CTNND2: variants seen among roughly 807,000 people sequenced by gnomAD.
CTNND2 encodes catenin delta-2.
Under a neutral mutation model 144.4 loss-of-function variants are expected in CTNND2, and 22 were observed. The observed-to-expected ratio is 0.15, with a 90% confidence interval of 0.11 to 0.22. The LOEUF (loss-of-function observed/expected upper bound fraction) is 0.22. Among genes scored for constraint, CTNND2 ranks in the 10% least tolerant of loss-of-function variants. The probability of loss-of-function intolerance (pLI) is 1.00; values close to 1 mark genes in which losing one functional copy is unlikely to be tolerated. For missense variants in CTNND2, 1,353 were observed against 1,618.8 expected (o/e 0.84, Z 2.82); for synonymous variants, 751 against 695.6 (o/e 1.08, Z -1.25).
intron 3 of CTNND2, among the ~76,000 whole-genome samples, chr5:11,530,924 C>T (rs1316111976): frequency 4.6e-5 from 7 of 152,022 alleles, no homozygotes; most frequent in Admixed American, 4.6e-4. Flanking sequence ...CAAACGCACA[C>T]AAAAAGCAGC....
In CTNND2 at chr5:11,026,377, T is replaced by A. The variant is rs1453000979; in HGVS notation, c.2789-3398A>T. ...TCTTCTTTTTTTTTTTTTTTTTTTT[T>A]AAGACAGTCTCACTCTGTTGTCCAG... On this transcript the variant is annotated intron_variant, in intron 16 of 21. Coordinates refer to ENST00000304623, the MANE Select transcript of CTNND2 (RefSeq NM_001332.4). 4.7e-5 allele frequency among the ~76,000 whole-genome samples: 7 copies of A among 149,332 alleles called. No homozygotes were observed. In the East Asian group the frequency reaches 9.8e-4, roughly 21 times the overall value.
chr5:11,104,471 C>T (rs1752215647), intron 14 of CTNND2, among the ~76,000 whole-genome samples: 1 of 152,138 alleles, frequency 6.6e-6, no homozygotes, highest in Non-Finnish European at 1.5e-5. Flanking sequence ...CCACCGTCTG[C>T]CACTCTTGCT....
At chr5:11,551,842 C>G (rs1051312675) in intron 3 of CTNND2, among the ~76,000 whole-genome samples, 2 of 152,162 alleles carry the variant, frequency 1.3e-5, no homozygotes, top group Non-Finnish European at 2.9e-5. Flanking sequence ...CTCAAATGAT[C>G]TGCCCACCTC....
intron 9 of CTNND2, among the ~76,000 whole-genome samples, chr5:11,292,952 A>T (rs1249554897): frequency 1.3e-5 from 2 of 152,172 alleles, no homozygotes; most frequent in Non-Finnish European, 2.9e-5. Context: ...TCTATTGTTT[A>T]AATCCTTTGG....
chr5:11,895,098 G>A (rs556679636), intron 1 of CTNND2, among the ~76,000 whole-genome samples: 14 of 152,150 alleles, frequency 9.2e-5, no homozygotes, highest in East Asian at 1.9e-4. Context: ...TCTTCCCAAC[G>A]AACTTGAACT....
At chr5:11,262,806 G>GAAAAAAAAAAAAAAAAAAAAAA (rs1554015616) in intron 9 of CTNND2, among the ~76,000 whole-genome samples, 1 of 117,040 alleles carries the variant, frequency 8.5e-6, no homozygotes, top group African/African-American at 3.1e-5. Flanking sequence ...AGAAAGAAAC[G>GAAAAAAAAAAAAAAAAAAAAAA]AAATTTGTTG....
rs189347885 is a variant in CTNND2, at chr5:11,677,691, A to G, written c.174+54445T>C. ...AAGGGTACACAATGAAAGCCCATGTATTCGAGTTTTGCTTTAAGTCATTCA... is the reference window on the plus strand; with the variant it reads ...AAGGGTACACAATGAAAGCCCATGTGTTCGAGTTTTGCTTTAAGTCATTCA... On this transcript the variant is annotated intron_variant, in intron 2 of 21. Coordinates refer to ENST00000304623, the MANE Select transcript of CTNND2 (RefSeq NM_001332.4). Among the ~76,000 whole-genome samples, 6 of 152,312 alleles carry G rather than the reference A, an allele frequency of 3.9e-5. No homozygotes were observed. In the East Asian group the frequency reaches 9.7e-4, roughly 25 times the overall value.
chr5:11,059,494 A>G (rs1454853690), intron 16 of CTNND2, among the ~76,000 whole-genome samples: 1 of 152,204 alleles, frequency 6.6e-6, no homozygotes, highest in Non-Finnish European at 1.5e-5. Flanking sequence ...AAGTCCAATA[A>G]ACCTCTTTCT....
chr5:11,413,085 T>C (rs923468214), intron 3 of CTNND2, among the ~76,000 whole-genome samples: 5 of 152,178 alleles, frequency 3.3e-5, no homozygotes, highest in Non-Finnish European at 7.4e-5. Context: ...ATGTGACTGT[T>C]ATGGGGTATC....
At chr5:11,175,117 T>G (rs976834322) in intron 11 of CTNND2, among the ~76,000 whole-genome samples, 1 of 151,554 alleles carries the variant, frequency 6.6e-6, no homozygotes, top group Non-Finnish European at 1.5e-5. Flanking sequence ...AAATTTTAGA[T>G]TGCTTCTATT....
chr5:11,450,615 C>G (rs185426976), intron 3 of CTNND2, among the ~76,000 whole-genome samples: 1 of 152,046 alleles, frequency 6.6e-6, no homozygotes, highest in African/African-American at 2.4e-5. Context: ...AAAATGCGTC[C>G]CAGGCTGGGC....
chr5:11,647,906 T>C (rs2126526529), intron 2 of CTNND2, among the ~76,000 whole-genome samples: 1 of 152,312 alleles, frequency 6.6e-6, no homozygotes, highest in Admixed American at 6.5e-5. Flanking sequence ...CCTCACCACC[T>C]GGATAAAGTA....
At chr5:11,376,716 C>T (rs957205472) in intron 7 of CTNND2, among the ~76,000 whole-genome samples, 2 of 152,164 alleles carry the variant, frequency 1.3e-5, no homozygotes, top group African/African-American at 2.4e-5. Flanking sequence ...AAGAGAACAC[C>T]TCTCAGAGTA....
intron 12 of CTNND2, among the ~76,000 whole-genome samples, chr5:11,149,631 C>T (rs888531972): frequency 6.6e-6 from 1 of 152,104 alleles, no homozygotes; most frequent in Non-Finnish European, 1.5e-5. Context: ...ATTTGTACCT[C>T]TACGGAAAGA....
At chr5:11,345,471 T>C (rs1187710228) in intron 9 of CTNND2, among the ~76,000 whole-genome samples, 1 of 152,134 alleles carries the variant, frequency 6.6e-6, no homozygotes, top group East Asian at 1.9e-4. Flanking sequence ...AGTGATTTCT[T>C]TTTGCAAAAA....
intron 1 of CTNND2, among the ~76,000 whole-genome samples, chr5:11,846,042 T>C (rs1794720086): frequency 6.6e-6 from 1 of 152,236 alleles, no homozygotes; most frequent in South Asian, 2.1e-4. Context: ...AATGAATGAA[T>C]GGCTAATAGA....
At chr5:11,386,367 T>C (rs768948470) in intron 6 of CTNND2, among the ~76,000 whole-genome samples, 9 of 152,276 alleles carry the variant, frequency 5.9e-5, no homozygotes, top group Non-Finnish European at 7.4e-5. Flanking sequence ...GAAGAGAAGA[T>C]TGAACAGATG....
chr5:11,430,111 G>A (rs1763149197), intron 3 of CTNND2, among the ~76,000 whole-genome samples: 2 of 151,696 alleles, frequency 1.3e-5, no homozygotes, highest in African/African-American at 4.8e-5. Context: ...TTAGCCAGGT[G>A]TGGTGTCGCG....
In CTNND2 at chr5:11,081,822, C is replaced by T. The variant is rs533802789; in HGVS notation, c.2788+874G>A. ...AGAGCAGATTGATGGTTGCCAGGGG[C>T]TGGAGAAGGGGGATGGAGAGTGATT... is the stretch of plus-strand genomic sequence containing the variant. On this transcript the variant is annotated intron_variant, in intron 16 of 21. Transcript: ENST00000304623. Among the ~76,000 whole-genome samples the T allele has an allele frequency of 7.4e-4, 113 of 152,196 alleles. No homozygotes were observed. In the Middle Eastern group the frequency reaches 0.014, roughly 18 times the overall value.
Sources: allele counts gnomAD v4.1 joint callset (sites outside exome capture counted in the v4.1 genomes callset), GRCh38; gene constraint gnomAD v4.1.1; transcripts MANE v1.5; gene names NCBI Gene and HGNC (gene_info 2026-07-23, HGNC 2026-07-21).